The following ST6GALNAC3 variants were observed in gnomAD, a reference collection of about 807,000 sequenced individuals.
ST6GALNAC3 encodes alpha-N-acetylgalactosaminide alpha-2,6-sialyltransferase 3.
In ST6GALNAC3, 25 loss-of-function variants were observed where a neutral mutation model predicts 32.7. The observed-to-expected ratio is 0.76, with a 90% CI of 0.56 to 1.07. The LOEUF (loss-of-function observed/expected upper bound fraction) is 1.07. ST6GALNAC3 is among the 50% of genes least tolerant of loss of function. The probability of loss-of-function intolerance (pLI) is 0.00; values close to 1 mark genes in which losing one functional copy is unlikely to be tolerated. For missense variants in ST6GALNAC3, 355 were observed against 382.4 expected (o/e 0.93, Z 0.60); for synonymous variants, 129 against 133.1 (o/e 0.97, Z 0.21).
In ST6GALNAC3 at chr1:76,324,502, C is replaced by T. The variant is rs1647029900; in HGVS notation, c.213+10503C>T. The stretch of plus-strand genomic sequence containing the variant: ...CCACTGAGGCCATCTTCCCCAAATC[C>T]CATAAGCCTGTTTAATCATGAGATA... On this transcript the variant is annotated intron_variant, in intron 2 of 4. Coordinates refer to ENST00000328299, the MANE Select transcript of ST6GALNAC3 (RefSeq NM_152996.4). Among the ~76,000 whole-genome samples the T allele has an allele frequency of 2.0e-5, 3 of 152,144 alleles. No homozygotes were observed. The South Asian group carries it at 6.2e-4, about 32-fold the overall frequency.
Position 76,369,092 on chromosome 1 carries a change from G to T in ST6GALNAC3, c.214-42916G>T, listed in dbSNP as rs143058325. Among the ~76,000 whole-genome samples, 113 of 152,204 alleles carry T rather than the reference G, an allele frequency of 7.4e-4. 2 individuals are homozygous for T. The East Asian group carries it at 0.016, about 21-fold the overall frequency. ...TCTTATTATCATCCTAGAGCCCAGA[G>T]AAGTGCATTAGATTAACATGGAATC... On this transcript the variant is annotated intron_variant, in intron 2 of 4. Coordinates refer to ENST00000328299, the MANE Select transcript of ST6GALNAC3 (RefSeq NM_152996.4).
At chr1:76,275,002 A>G (rs1659054383) in intron 1 of ST6GALNAC3, among the ~76,000 whole-genome samples, 1 of 152,184 alleles carries the variant, frequency 6.6e-6, no homozygotes, top group African/African-American at 2.4e-5. Context: ...GTGAGAGAAT[A>G]ATAGTGTGGT....
chr1:76,587,883 G>A (rs1646986639), intron 3 of ST6GALNAC3, among the ~76,000 whole-genome samples: 1 of 152,220 alleles, frequency 6.6e-6, no homozygotes, highest in Admixed American at 6.5e-5. Flanking sequence ...ACTGGCTGTG[G>A]CAGCACCAGT....
At chr1:76,264,240 A>T (rs1658407364) in intron 1 of ST6GALNAC3, among the ~76,000 whole-genome samples, 5 of 152,162 alleles carry the variant, frequency 3.3e-5, no homozygotes, top group Admixed American at 3.3e-4. Context: ...AGGCAGCCAC[A>T]TCAGCATAAT....
At chr1:76,126,680 T>G (rs1291551497) in intron 1 of ST6GALNAC3, among the ~76,000 whole-genome samples, 1 of 152,204 alleles carries the variant, frequency 6.6e-6, no homozygotes, top group Non-Finnish European at 1.5e-5. Context: ...TCTCCCTTTA[T>G]GCTGGGCAAA....
intron 3 of ST6GALNAC3, among the ~76,000 whole-genome samples, chr1:76,489,298 G>A (rs1368722385): frequency 6.6e-6 from 1 of 152,056 alleles, no homozygotes; most frequent in Non-Finnish European, 1.5e-5. Context: ...GTGTGTGTGT[G>A]TAAAACTATT....
intron 2 of ST6GALNAC3, among the ~76,000 whole-genome samples, chr1:76,376,806 A>C (rs1323224186): frequency 6.6e-6 from 1 of 151,844 alleles, no homozygotes; most frequent in Non-Finnish European, 1.5e-5. Context: ...ACCATTTCTC[A>C]TGTTTCTGTT....
chr1:76,159,058 C>G (rs1288350703), intron 1 of ST6GALNAC3, among the ~76,000 whole-genome samples: 2 of 152,078 alleles, frequency 1.3e-5, no homozygotes, highest in Non-Finnish European at 2.9e-5. Flanking sequence ...TTTCCCTTTC[C>G]CATTTTAGGG....
At chr1:76,554,018 C>A (rs939920903) in intron 3 of ST6GALNAC3, among the ~76,000 whole-genome samples, 4 of 152,176 alleles carry the variant, frequency 2.6e-5, no homozygotes, top group African/African-American at 9.7e-5. Context: ...TTGATTAAAA[C>A]ATTTAATGGT....
chr1:76,231,638 A>G (rs531832864), intron 1 of ST6GALNAC3, among the ~76,000 whole-genome samples: 1 of 152,286 alleles, frequency 6.6e-6, no homozygotes, highest in Admixed American at 6.5e-5. Flanking sequence ...AATGTCCCTC[A>G]AGTTTTATCC....
chr1:76,498,727 GA>G (rs55682036), intron 3 of ST6GALNAC3, among the ~76,000 whole-genome samples: 83,052 of 143,020 alleles, frequency 0.58, 26,343 homozygotes, highest in South Asian at 0.79. Context: ...CAACAAAGCA[GA>G]AAAAAAAAAA....
In ST6GALNAC3 at chr1:76,540,820, C is replaced by A. The variant is rs567260730; in HGVS notation, c.624-86632C>A. 3.3e-5 allele frequency among the ~76,000 whole-genome samples: 5 copies of A among 152,192 alleles called. No homozygotes were observed. In the South Asian group the frequency reaches 1.0e-3, roughly 32 times the overall value. On this transcript the variant is annotated intron_variant, in intron 3 of 4. Coordinates refer to ENST00000328299, the MANE Select transcript of ST6GALNAC3 (RefSeq NM_152996.4). ...AAATCACAAAAGTGCCTATTGTGTA[C>A]CAGAAACTGCTTTAGGCACTTGAAC...
At chr1:76,186,763 T>C (rs1240103024) in intron 1 of ST6GALNAC3, among the ~76,000 whole-genome samples, 2 of 152,210 alleles carry the variant, frequency 1.3e-5, no homozygotes, top group African/African-American at 2.4e-5. Context: ...TGAGGGGCCC[T>C]TCTCATGTTC....
At chr1:76,313,709 A>G (rs539383662) in intron 1 of ST6GALNAC3, 96 bp from the exon 2 acceptor site, 67 of 1,275,608 alleles carry the variant, frequency 5.3e-5, no homozygotes, top group African/African-American at 3.8e-4. Flanking sequence ...TTCGACCCCT[A>G]TGAAAGAAAA....
At chr1:76,242,977 G>A (rs1402050328) in intron 1 of ST6GALNAC3, among the ~76,000 whole-genome samples, 1 of 152,122 alleles carries the variant, frequency 6.6e-6, no homozygotes, top group Non-Finnish European at 1.5e-5. Context: ...CCCAGTAATG[G>A]GATTGCTGGG....
At chr1:76,383,565 A>C (rs1651879208) in intron 2 of ST6GALNAC3, among the ~76,000 whole-genome samples, 1 of 151,722 alleles carries the variant, frequency 6.6e-6, no homozygotes, top group African/African-American at 2.4e-5. Flanking sequence ...TAGTCACTGC[A>C]ATTGGCCCCC....
intron 3 of ST6GALNAC3, among the ~76,000 whole-genome samples, chr1:76,552,431 T>C (rs1294875437): frequency 6.6e-6 from 1 of 152,208 alleles, no homozygotes; most frequent in East Asian, 1.9e-4. Context: ...CTTAGATGAC[T>C]TACTTGAAGT....
intron 1 of ST6GALNAC3, among the ~76,000 whole-genome samples, chr1:76,180,873 C>T (rs1267960878): frequency 6.6e-6 from 1 of 152,230 alleles, no homozygotes; most frequent in African/African-American, 2.4e-5. Context: ...CTGTGTGTGA[C>T]CCGGTTCTTC....
At position 76,081,980 on chromosome 1, in the gene ST6GALNAC3, T is replaced by G. The variant is rs1169376504; in HGVS notation, c.18+7096T>G. Reference sequence around the variant, plus strand: ...GAAATGGCAAAAAACGTTATTAGTATTATTAGTACTGATAATAGCTGGAAT... The same window carrying G: ...GAAATGGCAAAAAACGTTATTAGTAGTATTAGTACTGATAATAGCTGGAAT... On this transcript the variant is annotated intron_variant, in intron 1 of 4. Transcript: ENST00000328299. Among the ~76,000 whole-genome samples the G allele has an allele frequency of 3.9e-5, 6 of 152,178 alleles. No individual in the cohort carries two copies. In the East Asian group the frequency reaches 1.2e-3, roughly 29 times the overall value.
Sources: gnomAD v4.1 joint callset for allele counts (sites outside exome capture counted in the v4.1 genomes callset) on GRCh38, gnomAD v4.1.1 for gene constraint, MANE v1.5 for transcripts, NCBI Gene and HGNC (gene_info 2026-07-23, HGNC 2026-07-21) for gene names.